TPM1: variants seen among roughly 807,000 people sequenced by gnomAD.
The protein encoded by TPM1 is tropomyosin alpha-1 chain.
Under a neutral mutation model 42.9 loss-of-function variants are expected in TPM1, and 24 were observed. The ratio of observed to expected loss-of-function variants is 0.56; its 90% CI spans 0.41 to 0.79. TPM1 has a LOEUF of 0.79. Among genes scored for constraint, TPM1 ranks in the 30% least tolerant of loss-of-function variants. The pLI is 0.00. For missense variants in TPM1, 158 were observed against 351.8 expected (o/e 0.45, Z 4.41); for synonymous variants, 136 against 130.1 (o/e 1.05, Z -0.31).
chr15:63,059,922 C>T, intron 4 of TPM1: 1 of 373,762 alleles, frequency 2.7e-6, no homozygotes, highest in South Asian at 2.1e-5. Context: ...AAACTCCTCT[C>T]CCCCAGCCAC....
chr15:63,060,756 G>A (rs1022254994), intron 4 of TPM1, 113 bp from the exon 5 acceptor site: 1 of 1,154,688 alleles, frequency 8.7e-7, no homozygotes, highest in African/African-American at 1.5e-5. Context: ...GGATCATATT[G>A]TTTGTAGACA....
chr15:63,059,917 C>T (rs1365581269), intron 4 of TPM1: 1 of 376,918 alleles, frequency 2.7e-6, no homozygotes, highest in Non-Finnish European at 5.1e-6. Flanking sequence ...GACCAAAACT[C>T]CTCTCCCCCA....
chr15:63,054,641 G>A (rs1279082927), intron 2 of TPM1: 1 of 152,186 alleles, frequency 6.6e-6, no homozygotes, highest in Non-Finnish European at 1.5e-5. Context: ...CTTGGAACTT[G>A]GTAGCTACAA....
At chr15:63,048,790 C>A (rs567601554) in intron 2 of TPM1, 19 of 1,495,294 alleles carry the variant, frequency 1.3e-5, no homozygotes, top group African/African-American at 7.1e-5. Flanking sequence ...GCTTCCCCCC[C>A]CGCAGGCCCC....
intron 5 of TPM1, chr15:63,061,245 T>G: frequency 1.2e-6 from 2 of 1,614,236 alleles, no homozygotes; most frequent in East Asian, 2.2e-5. Flanking sequence ...GATCAGACCT[T>G]GAAAGCATTA....
At chr15:63,068,353 G>A (rs1214840556), downstream of TPM1, among the ~76,000 whole-genome samples, 1 of 152,194 alleles carries the variant, frequency 6.6e-6, no homozygotes, top group Non-Finnish European at 1.5e-5. Flanking sequence ...CTCCCTGGAG[G>A]AGGTAGCGGA....
intron 5 of TPM1, chr15:63,061,398 G>A: frequency 1.1e-6 from 1 of 919,970 alleles, no homozygotes; most frequent in Non-Finnish European, 1.8e-6. Flanking sequence ...TTTATATCTT[G>A]CCTTAAGTGC....
At chr15:63,060,219 A>G (rs1027045636) in intron 4 of TPM1, among the ~76,000 whole-genome samples, 1 of 152,128 alleles carries the variant, frequency 6.6e-6, no homozygotes, top group Non-Finnish European at 1.5e-5. Context: ...TTGATTATTA[A>G]GGTTTCTGTT....
At chr15:63,066,597 T>C (rs1300296589), downstream of TPM1, among the ~76,000 whole-genome samples, 1 of 152,230 alleles carries the variant, frequency 6.6e-6, no homozygotes, top group East Asian at 1.9e-4. Flanking sequence ...AAGTTATACA[T>C]TGAGAAGGGT....
intron 6 of TPM1, 138 bp downstream of exon 6, chr15:63,061,926 TAAC>T: frequency 2.5e-6 from 2 of 786,266 alleles, no homozygotes; most frequent in Non-Finnish European, 4.2e-6. Context: ...AGTTACTAGA[TAAC>T]AAATTCTTTT....
intron 2 of TPM1, among the ~76,000 whole-genome samples, chr15:63,050,500 A>C (rs1596330055): frequency 6.6e-6 from 1 of 152,208 alleles, no homozygotes. Context: ...TATGAAGGGC[A>C]CATTATTACT....
intron 2 of TPM1, chr15:63,047,985 G>T (rs2140700688): frequency 7.1e-6 from 2 of 281,914 alleles, no homozygotes; most frequent in South Asian, 5.5e-5. Flanking sequence ...TTCACTTCGT[G>T]AAGTTTTGGG....
intron 5 of TPM1, 114 bp from the exon 6 acceptor site, chr15:63,061,599 G>A (rs755088805): frequency 1.9e-5 from 20 of 1,028,322 alleles, no homozygotes; most frequent in Non-Finnish European, 2.8e-5. Context: ...GCTACTTTAA[G>A]GCAGCCCTTC....
At chr15:63,066,592 A>G (rs974629322), downstream of TPM1, among the ~76,000 whole-genome samples, 3 of 152,240 alleles carry the variant, frequency 2.0e-5, no homozygotes. Flanking sequence ...CTAGGAAGTT[A>G]TACATTGAGA....
In TPM1 at chr15:63,062,808, G is replaced by C. The variant is rs190305952; in HGVS notation, c.772+163G>C. 681 of 1,541,022 alleles carry C rather than the reference G, an allele frequency of 4.4e-4. 4 individuals carry two copies. In the African/African-American group the frequency reaches 7.1e-3, roughly 16 times the overall value. On this transcript the variant is annotated intron_variant, in intron 8 of 9. Coordinates refer to ENST00000403994, the MANE Select transcript of TPM1 (RefSeq NM_001018005.2). ...TTTTCTCTGTGGCTCTTGAACTCAT[G>C]AACCTAAGTCTTCTGCTCACGAGGT...
downstream of TPM1, among the ~76,000 whole-genome samples, chr15:63,067,712 T>A (rs1431219072): frequency 1.3e-5 from 2 of 152,154 alleles, no homozygotes; most frequent in Non-Finnish European, 2.9e-5. Context: ...AAATTGTTGA[T>A]TTCTTGTTCA....
intron 2 of TPM1, chr15:63,048,354 G>A: frequency 1.6e-6 from 2 of 1,217,940 alleles, no homozygotes; most frequent in African/African-American, 1.6e-5. Flanking sequence ...CACGGCGCGC[G>A]CCCCTCCCAG....
In TPM1 at chr15:63,065,544, A is replaced by G. The variant is rs28687498; in HGVS notation, c.852-352A>G. The G allele has an allele frequency of 3.1e-3, 3,049 of 985,164 alleles. 56 individuals carry two copies. In the African/African-American group the frequency reaches 0.046, roughly 15 times the overall value. 61.0% of individuals were successfully genotyped at this position (985,164 alleles called of 1,614,324 possible). On this transcript the variant is annotated intron_variant, in intron 9 of 9. Coordinates refer to ENST00000403994, the MANE Select transcript of TPM1 (RefSeq NM_001018005.2). ...TGTAAATGAGGGGGTGGAGCAGATCATCTGTCTCTAAGGTCTTTTTCAGTG... is the reference window on the plus strand; with the variant it reads ...TGTAAATGAGGGGGTGGAGCAGATCGTCTGTCTCTAAGGTCTTTTTCAGTG...
At chr15:63,064,602 A>G (rs1330141976) in intron 9 of TPM1, 1 of 1,033,734 alleles carries the variant, frequency 9.7e-7, no homozygotes, top group Non-Finnish European at 1.2e-6. Context: ...ATCTGAGGAT[A>G]AGGAAATTGG....
Sources: gnomAD v4.1 joint callset for allele counts (sites outside exome capture counted in the v4.1 genomes callset) on GRCh38, gnomAD v4.1.1 for gene constraint, MANE v1.5 for transcripts, NCBI Gene and HGNC (gene_info 2026-07-23, HGNC 2026-07-21) for gene names.